The following NADSYN1 variants were observed in gnomAD, a reference collection of about 807,000 sequenced individuals.
The protein encoded by NADSYN1 is NAD synthetase 1.
In NADSYN1, 80 loss-of-function variants were observed where a neutral mutation model predicts 99.3. The ratio of observed to expected loss-of-function variants is 0.81; its 90% confidence interval spans 0.67 to 0.97. The LOEUF is 0.97. Ranked by LOEUF, NADSYN1 falls within the 50% of genes least tolerant of loss-of-function variation. NADSYN1 has a pLI of 0.00. For missense variants in NADSYN1, 859 were observed against 948.5 expected (o/e 0.91, Z 1.24); for synonymous variants, 385 against 372.1 (o/e 1.03, Z -0.40).
At chr11:71,497,445 C>A (rs1949827448) in intron 18 of NADSYN1, 38 bp from the exon 19 acceptor site, 2 of 1,613,578 alleles carry the variant, frequency 1.2e-6, no homozygotes, top group East Asian at 4.5e-5. Context: ...CCCGCTGTGA[C>A]TTGCTGTCAT....
chr11:71,484,611 T>C, intron 15 of NADSYN1, 164 bp downstream of exon 15: 1 of 1,041,428 alleles, frequency 9.6e-7, no homozygotes, highest in Non-Finnish European at 1.3e-6. Flanking sequence ...CCTGTATGCC[T>C]CACTGAAGAC....
chr11:71,479,401 T>C (rs923046812), intron 10 of NADSYN1: 2 of 152,136 alleles, frequency 1.3e-5, no homozygotes, highest in African/African-American at 2.4e-5. Flanking sequence ...CAGCCTTTTT[T>C]TCATAGCAGT....
chr11:71,475,891 C>A (rs1949662264), intron 9 of NADSYN1: 1 of 381,670 alleles, frequency 2.6e-6, no homozygotes, highest in African/African-American at 2.1e-5. Flanking sequence ...TTTGTATTTA[C>A]TTAGTAGAGA....
chr11:71,481,716 C>T (rs180905551), intron 12 of NADSYN1: 24 of 604,126 alleles, frequency 4.0e-5, no homozygotes, highest in Middle Eastern at 6.7e-4. Flanking sequence ...GCCTCTGACA[C>T]GCCCCGCAGT....
At chr11:71,491,465 C>G (rs139388858) in intron 17 of NADSYN1, among the ~76,000 whole-genome samples, 8 of 152,298 alleles carry the variant, frequency 5.3e-5, no homozygotes, top group African/African-American at 9.6e-5. Flanking sequence ...ACGGGGTGTG[C>G]TGGGTGTTAG....
chr11:71,492,633 G>A lies in NADSYN1; in HGVS notation c.1764+730G>A, dbSNP rs541539731. Among the ~76,000 whole-genome samples the A allele has an allele frequency of 6.6e-5, 10 of 152,054 alleles. No homozygotes were observed. The East Asian group carries it at 7.7e-4, about 12-fold the overall frequency. Reference sequence around the variant, plus strand: ...GATCTTTTCTGTTTTTCCTTATGCCGGTCCCACGCTGTCCTGATTATTATA... The same window carrying A: ...GATCTTTTCTGTTTTTCCTTATGCCAGTCCCACGCTGTCCTGATTATTATA... On this transcript the variant is annotated intron_variant, in intron 18 of 20. Coordinates refer to ENST00000319023, the MANE Select transcript of NADSYN1 (RefSeq NM_018161.5).
At chr11:71,481,247 C>T (rs1358627179) in intron 11 of NADSYN1, 109 bp from the exon 12 acceptor site, 2 of 1,114,684 alleles carry the variant, frequency 1.8e-6, no homozygotes, top group East Asian at 4.7e-5. Context: ...TCCTGAGAGC[C>T]CAGCGTTGAC....
At chr11:71,459,883 G>T (rs1227059269) in intron 3 of NADSYN1, 1 of 152,326 alleles carries the variant, frequency 6.6e-6, no homozygotes, top group Non-Finnish European at 1.5e-5. Context: ...GTTTCCTTTT[G>T]CCGCTCTGAT....
At chr11:71,461,403 G>A (rs566732592) in intron 3 of NADSYN1, among the ~76,000 whole-genome samples, 57 of 152,196 alleles carry the variant, frequency 3.7e-4, no homozygotes, top group African/African-American at 1.3e-3. Context: ...AGAGAGGGGC[G>A]AGGTGCTACA....
chr11:71,474,310 G>A lies in NADSYN1; in HGVS notation c.667-85G>A, dbSNP rs1270291739. On this transcript the variant is annotated intron_variant, in intron 8 of 20. Coordinates refer to ENST00000319023, the MANE Select transcript of NADSYN1 (RefSeq NM_018161.5). ...CACTCAGGATGACCTAGCGGGACTC[G>A]GCGGAGGTTCCTGTACTTGGGCAGG... The A allele has an allele frequency of 1.3e-5, 21 of 1,567,752 alleles. No homozygotes were observed. The South Asian group carries it at 1.5e-4, about 11-fold the overall frequency.
chr11:71,474,895 G>T (rs1337631852), intron 9 of NADSYN1: 1 of 329,226 alleles, frequency 3.0e-6, no homozygotes, highest in African/African-American at 2.1e-5. Flanking sequence ...AGTAGTGGAC[G>T]GATGAGGTTG....
intron 12 of NADSYN1, 78 bp downstream of exon 12, chr11:71,481,482 GAT>G (rs757530142): frequency 7.5e-7 from 1 of 1,336,260 alleles, no homozygotes; most frequent in South Asian, 1.3e-5. Flanking sequence ...GCAGGGTAGG[GAT>G]TTTTTTTTTT....
intron 9 of NADSYN1, chr11:71,477,216 C>G (rs3794063): frequency 9.3e-6 from 11 of 1,186,124 alleles, no homozygotes; most frequent in Non-Finnish European, 1.1e-5. Flanking sequence ...GTCAGGCCGC[C>G]GTGCGGCAGG....
At position 71,477,067 on chromosome 11, in the gene NADSYN1, T is replaced by C. The variant is rs142045386; in HGVS notation, c.799-1328T>C. ...GCACCTGAAATGGTCAACAGAAGTC[T>C]TGTGACACGTGGAATCATTTCAGAG... On this transcript the variant is annotated intron_variant, in intron 9 of 20. Transcript: ENST00000319023. 2.5e-4 allele frequency: 270 copies of C among 1,100,008 alleles called. 1 individual carries two copies. In the African/African-American group the frequency reaches 4.0e-3, roughly 16 times the overall value. The allele number at this position is 1,100,008 out of a possible 1,614,324, so 68.1% of individuals were successfully genotyped here. A position where few individuals can be genotyped will look rare whatever the true frequency, so the allele number is the denominator to read the frequency against.
chr11:71,465,666 C>G (rs758541376), intron 5 of NADSYN1, among the ~76,000 whole-genome samples: 4 of 152,230 alleles, frequency 2.6e-5, no homozygotes, highest in Non-Finnish European at 5.9e-5. Context: ...CAGATGTCCC[C>G]TGGGGGGTAA....
At chr11:71,489,826 G>A (rs1949767515) in intron 16 of NADSYN1, among the ~76,000 whole-genome samples, 1 of 152,210 alleles carries the variant, frequency 6.6e-6, no homozygotes, top group African/African-American at 2.4e-5. Flanking sequence ...ATAGGCAGGG[G>A]CCAGCCTGGA....
At position 71,473,384 on chromosome 11, in the gene NADSYN1, G is replaced by A. The variant is rs755288237; in HGVS notation, c.548+18G>A. On this transcript the variant is annotated intron_variant, in intron 7 of 20. Transcript: ENST00000319023. Reference sequence around the variant, plus strand: ...CCCCACAGGTCAGCCCCATGCCCCTGTGCTGTCTGATCGCCCACCTCATAT... The same window carrying A: ...CCCCACAGGTCAGCCCCATGCCCCTATGCTGTCTGATCGCCCACCTCATAT... 2.5e-6 allele frequency: 4 copies of A among 1,613,062 alleles called. No homozygotes were observed. The highest frequency in any genetic ancestry group is 3.4e-6 in the Non-Finnish European group (4 of 1,179,100).
Position 71,498,472 on chromosome 11 carries a change from C to T in NADSYN1, c.2014C>T (p.Arg672Ter), listed in dbSNP as rs768597235. The change falls in exon 20 of 21, where the codon CGA becomes TGA. Residue 672 changes from arginine (R) to a stop codon, truncating the protein, a stop_gained. Transcript: ENST00000319023. LOFTEE classifies it high-confidence loss of function. ...YSPEDNRFDLRPFLYNTSWPW... is the reference protein window; with the variant it reads ...YSPEDNRFDL Reference sequence around the variant, plus strand: ...CCCTGAGGACAACAGGTTTGATCTGCGACCATTTCTGTACAACACAAGCTG... The same window carrying T: ...CCCTGAGGACAACAGGTTTGATCTGTGACCATTTCTGTACAACACAAGCTG... 1.7e-5 allele frequency: 27 copies of T among 1,614,054 alleles called. No homozygotes were observed. Among genetic ancestry groups the T allele is most frequent in the Middle Eastern group, 3.3e-4 (2 of 6,084 alleles).
chr11:71,495,148 A>G (rs1216029763), intron 18 of NADSYN1, among the ~76,000 whole-genome samples: 1 of 151,744 alleles, frequency 6.6e-6, no homozygotes, highest in Non-Finnish European at 1.5e-5. Context: ...TTCTTTTTTA[A>G]GGTAGGTGTT....
Sources: allele counts gnomAD v4.1 joint callset (sites outside exome capture counted in the v4.1 genomes callset), GRCh38; gene constraint gnomAD v4.1.1; transcripts MANE v1.5; gene names NCBI Gene and HGNC (gene_info 2026-07-23, HGNC 2026-07-21).